The following LIMCH1 variants were observed in gnomAD, a reference collection of about 807,000 sequenced individuals.
The protein encoded by LIMCH1 is LIM and calponin homology domains-containing protein 1.
LIMCH1 carries 113 observed loss-of-function variants against 176.5 expected under a neutral mutation model. That is an observed-to-expected ratio of 0.64 (90% confidence interval 0.55 to 0.75). The LOEUF (loss-of-function observed/expected upper bound fraction) is 0.75. Ranked by LOEUF, LIMCH1 falls within the 30% of genes least tolerant of loss-of-function variation. LIMCH1 has a pLI of 0.00. For missense variants in LIMCH1, 1,674 were observed against 1,814.9 expected, an observed-to-expected ratio of 0.92 and a Z score of 1.41; for synonymous variants, 619 against 645.9, an observed-to-expected ratio of 0.96 and a Z score of 0.63.
intron 13 of LIMCH1, among the ~76,000 whole-genome samples, chr4:41,634,387 A>G (rs2093473907): frequency 6.6e-6 from 1 of 152,296 alleles, no homozygotes; most frequent in African/African-American, 2.4e-5. Context: ...AATGTATGGT[A>G]AGCCTACCAA....
chr4:41,449,403 C>T (rs1314375654), intron 1 of LIMCH1, among the ~76,000 whole-genome samples: 2 of 152,174 alleles, frequency 1.3e-5, no homozygotes, highest in African/African-American at 4.8e-5. Context: ...ATGGGCCTAC[C>T]TCCTTTTCCC....
At chr4:41,592,433 A>G (rs1170851566) in intron 1 of LIMCH1, among the ~76,000 whole-genome samples, 1 of 152,104 alleles carries the variant, frequency 6.6e-6, no homozygotes, top group Non-Finnish European at 1.5e-5. Flanking sequence ...GGTGGTTAAT[A>G]ACAACTAAGT....
At chr4:41,450,033 G>A (rs1180319508) in intron 1 of LIMCH1, among the ~76,000 whole-genome samples, 1 of 152,154 alleles carries the variant, frequency 6.6e-6, no homozygotes, top group African/African-American at 2.4e-5. Context: ...TGACCTCATT[G>A]TAGCTTAACA....
intron 26 of LIMCH1, among the ~76,000 whole-genome samples, chr4:41,682,678 C>CTTT (rs397975995): frequency 2.2e-5 from 3 of 139,048 alleles, no homozygotes; most frequent in Non-Finnish European, 3.1e-5. Flanking sequence ...TCTTCTTCTT[C>CTTT]TTTTTTTTTT....
At chr4:41,426,190 T>A (rs1456525045) in intron 1 of LIMCH1, among the ~76,000 whole-genome samples, 1 of 150,816 alleles carries the variant, frequency 6.6e-6, no homozygotes, top group Non-Finnish European at 1.5e-5. Context: ...CCCGGCTAAT[T>A]TTTTGTATTT....
At chr4:41,387,402 A>G (rs1215975343) in intron 1 of LIMCH1, among the ~76,000 whole-genome samples, 1 of 152,252 alleles carries the variant, frequency 6.6e-6, no homozygotes, top group East Asian at 1.9e-4. Context: ...TACATTTCCT[A>G]TATAATTGAG....
At chr4:41,679,588 T>A (rs1713963241) in intron 23 of LIMCH1, among the ~76,000 whole-genome samples, 1 of 152,224 alleles carries the variant, frequency 6.6e-6, no homozygotes, top group South Asian at 2.1e-4. Context: ...GTGTGTCTAA[T>A]AAACCTTCAG....
intron 1 of LIMCH1, among the ~76,000 whole-genome samples, chr4:41,466,117 C>G (rs983077605): frequency 6.6e-6 from 1 of 152,120 alleles, no homozygotes; most frequent in African/African-American, 2.4e-5. Flanking sequence ...CACCACCATG[C>G]CTGGCTAATT....
intron 1 of LIMCH1, among the ~76,000 whole-genome samples, chr4:41,369,289 A>G (rs749096140): frequency 6.6e-6 from 1 of 152,176 alleles, no homozygotes; most frequent in Non-Finnish European, 1.5e-5. Context: ...CATCCTTCCC[A>G]TATAAGGTGG....
intron 13 of LIMCH1, among the ~76,000 whole-genome samples, chr4:41,636,074 T>C (rs2093572518): frequency 6.6e-6 from 1 of 151,862 alleles, no homozygotes; most frequent in Non-Finnish European, 1.5e-5. Flanking sequence ...ACCTGGCTGA[T>C]TTTTTTGTTT....
intron 1 of LIMCH1, among the ~76,000 whole-genome samples, chr4:41,463,258 G>A (rs1023229780): frequency 2.0e-5 from 3 of 151,968 alleles, no homozygotes; most frequent in African/African-American, 7.2e-5. Context: ...ATCTAGACAT[G>A]ATTGGCTTCC....
intron 25 of LIMCH1, 88 bp from the exon 26 acceptor site, chr4:41,682,245 A>C: frequency 1.0e-6 from 1 of 967,874 alleles, no homozygotes; most frequent in Non-Finnish European, 1.5e-6. Context: ...CATGATTGAA[A>C]AATACTTCAA....
At chr4:41,524,976 T>G (rs2076478177) in intron 3 of LIMCH1, among the ~76,000 whole-genome samples, 1 of 152,220 alleles carries the variant, frequency 6.6e-6, no homozygotes. Context: ...ACTAAGGTGG[T>G]CTAACGTCAT....
chr4:41,366,491 G>T (rs1032174679), intron 1 of LIMCH1, among the ~76,000 whole-genome samples: 1 of 152,160 alleles, frequency 6.6e-6, no homozygotes. Flanking sequence ...ATCTGAGGCA[G>T]AAGAAAGGTA....
intron 13 of LIMCH1, among the ~76,000 whole-genome samples, chr4:41,637,816 GTTTTCTCTAA>G (rs1448755462): frequency 1.3e-5 from 2 of 152,156 alleles, no homozygotes; most frequent in East Asian, 3.9e-4. Context: ...ATTCTGGGGT[GTTTTCTCTAA>G]GATTCTCTAA....
intron 18 of LIMCH1, among the ~76,000 whole-genome samples, chr4:41,657,780 C>T (rs2094503807): frequency 6.6e-6 from 1 of 152,060 alleles, no homozygotes; most frequent in Admixed American, 6.6e-5. Context: ...ATGTATCTGG[C>T]CGCTAATTCC....
chr4:41,387,954 A>G (rs2056714362), intron 1 of LIMCH1, among the ~76,000 whole-genome samples: 1 of 152,132 alleles, frequency 6.6e-6, no homozygotes, highest in Non-Finnish European at 1.5e-5. Flanking sequence ...TACTAAAAAT[A>G]CAAAAATTAG....
intron 1 of LIMCH1, chr4:41,494,479 G>GGACT: frequency 1.7e-6 from 2 of 1,200,940 alleles, no homozygotes; most frequent in Admixed American, 3.5e-5. Flanking sequence ...ATATATGATT[G>GGACT]GACTTCTTGA....
chr4:41,378,198 GA>G (rs1264909251), intron 1 of LIMCH1, among the ~76,000 whole-genome samples: 1 of 152,194 alleles, frequency 6.6e-6, no homozygotes, highest in African/African-American at 2.4e-5. Context: ...AGTGCTGCTG[GA>G]AGAAGACACA....
Sources: allele counts gnomAD v4.1 joint callset (sites outside exome capture counted in the v4.1 genomes callset), GRCh38; gene constraint gnomAD v4.1.1; transcripts MANE v1.5; gene names NCBI Gene and HGNC (gene_info 2026-07-23, HGNC 2026-07-21).